The following ECSIT variants were observed in gnomAD, a reference collection of about 807,000 sequenced individuals.
ECSIT encodes evolutionarily conserved signaling intermediate in Toll pathway, mitochondrial.
A neutral mutation model predicts 36.8 loss-of-function variants in ECSIT; 29 were observed. The ratio of observed to expected loss-of-function variants is 0.79; its 90% CI spans 0.59 to 1.08. The LOEUF (loss-of-function observed/expected upper bound fraction) is 1.08, where lower values mean the gene tolerates loss of function less well. Among genes scored for constraint, ECSIT ranks in the 50% least tolerant of loss-of-function variants. The pLI, the probability that ECSIT is intolerant of heterozygous loss-of-function variation, is 0.00. For missense variants in ECSIT, 542 were observed against 581.0 expected (o/e 0.93, Z 0.69); for synonymous variants, 231 against 234.8 (o/e 0.98, Z 0.15).
chr19:11,509,597 G>A (rs1401987329), intron 4 of ECSIT, among the ~76,000 whole-genome samples: 3 of 150,930 alleles, frequency 2.0e-5, no homozygotes, highest in African/African-American at 4.9e-5. Flanking sequence ...GTGAAACCCC[G>A]TCTCTACTAG....
intron 4 of ECSIT, among the ~76,000 whole-genome samples, chr19:11,509,575 C>G (rs1971828494): frequency 6.6e-6 from 1 of 151,258 alleles, no homozygotes; most frequent in Admixed American, 6.6e-5. Flanking sequence ...CAAGACCAGC[C>G]TGGCCAACAT....
intron 1 of ECSIT, among the ~76,000 whole-genome samples, chr19:11,524,971 TACTAAAAATACAAAA>T (rs1304383749): frequency 6.6e-6 from 1 of 151,954 alleles, no homozygotes; most frequent in East Asian, 1.9e-4. Flanking sequence ...ACCCCGTCTC[TACTAAAAATACAAAA>T]ATTAGCGGGA....
At chr19:11,509,524 T>C (rs1971827325) in intron 4 of ECSIT, among the ~76,000 whole-genome samples, 1 of 151,340 alleles carries the variant, frequency 6.6e-6, no homozygotes, top group South Asian at 2.1e-4. Context: ...TCCCAGCACT[T>C]TGGGAGGCCG....
intron 1 of ECSIT, chr19:11,523,520 G>A (rs182153583): frequency 2.5e-5 from 28 of 1,099,598 alleles, no homozygotes; most frequent in Non-Finnish European, 3.5e-5. Context: ...CCTCATCCAC[G>A]ATGGCCTAGC....
At chr19:11,514,900 G>A (rs894271218) in intron 2 of ECSIT, among the ~76,000 whole-genome samples, 10 of 150,402 alleles carry the variant, frequency 6.6e-5, no homozygotes, top group East Asian at 2.0e-4. Context: ...GCGCAGTGGC[G>A]TGACCTCAGC....
At chr19:11,528,251 C>T (rs1223377400) in intron 1 of ECSIT, among the ~76,000 whole-genome samples, 1 of 152,134 alleles carries the variant, frequency 6.6e-6, no homozygotes, top group Non-Finnish European at 1.5e-5. Flanking sequence ...CCCTCATCAC[C>T]CTATTAATTT....
rs759999123 is a variant in ECSIT, at chr19:11,514,087, C to T, written c.231G>A (p.Gly77=). ...TGTCCCGTTCCCCACCAGGCGCCTG[C>T]CCAAACAGGTCCTCAAAGGGCACCA... ...KALVPFEDLF[G]QAPGGERDKA... is the part of the protein sequence containing the mutation. The change falls in exon 3 of 8, where the codon GGG becomes GGA. Residue 77 remains glycine, a synonymous_variant. Coordinates refer to ENST00000270517, the MANE Select transcript of ECSIT (RefSeq NM_016581.5). 1.4e-5 allele frequency: 22 copies of T among 1,614,030 alleles called. 1 individual carries two copies. In the South Asian group the frequency reaches 2.3e-4, roughly 17 times the overall value.
intron 1 of ECSIT, among the ~76,000 whole-genome samples, chr19:11,521,211 T>A (rs1362015444): frequency 6.6e-6 from 1 of 152,214 alleles, no homozygotes; most frequent in Non-Finnish European, 1.5e-5. Context: ...TGTTTTTGAC[T>A]GTTATAACTA....
chr19:11,516,720 G>A (rs534561171), intron 2 of ECSIT, among the ~76,000 whole-genome samples: 2 of 150,798 alleles, frequency 1.3e-5, no homozygotes, highest in South Asian at 4.2e-4. Flanking sequence ...ACGCTAACAA[G>A]TAAGAGCCAA....
intron 1 of ECSIT, among the ~76,000 whole-genome samples, chr19:11,528,379 G>A (rs548160764): frequency 1.3e-5 from 2 of 152,140 alleles, no homozygotes; most frequent in Non-Finnish European, 1.5e-5. Context: ...AGCTTCCCGA[G>A]TAGCTAGGAC....
intron 2 of ECSIT, among the ~76,000 whole-genome samples, chr19:11,516,707 A>AC (rs1972006753): frequency 6.7e-6 from 1 of 150,214 alleles, no homozygotes; most frequent in Non-Finnish European, 1.5e-5. Context: ...ACACACACAC[A>AC]AAACGCTAAC....
At chr19:11,517,839 G>A (rs932923434) in intron 2 of ECSIT, among the ~76,000 whole-genome samples, 53 of 151,988 alleles carry the variant, frequency 3.5e-4, no homozygotes, top group Middle Eastern at 3.4e-3. Context: ...ATCTGCTTTC[G>A]CCATCTGGTC....
Position 11,519,422 on chromosome 19 carries a change from T to A in ECSIT, c.-23-229A>T, listed in dbSNP as rs1003584938. The stretch of plus-strand genomic sequence containing the variant: ...ATAGCTCAATGCAGCCTCCAACTTC[T>A]GGGCCCAAGTGATCCTCCAGCCCCA... On this transcript the variant is annotated intron_variant, in intron 1 of 7. Transcript: ENST00000270517. The surrounding 1 kb of genome is among the most constrained non-coding windows in gnomAD (Gnocchi z 4.4). Among the ~76,000 whole-genome samples the A allele has an allele frequency of 4.6e-5, 7 of 152,106 alleles. No individual in the cohort carries two copies. Among genetic ancestry groups the A allele is most frequent in the African/African-American group, 1.7e-4 (7 of 41,426 alleles).
chr19:11,505,935 C>T lies in ECSIT; in HGVS notation c.*249G>A, dbSNP rs189585775. 3 of 891,798 alleles carry T rather than the reference C, an allele frequency of 3.4e-6. No homozygotes were observed. Among genetic ancestry groups the T allele is most frequent in the African/African-American group, 1.7e-5 (1 of 57,714 alleles). 55.2% of individuals were successfully genotyped at this position (891,798 alleles called of 1,614,324 possible). A position where few individuals can be genotyped will look rare whatever the true frequency, so the allele number is the denominator to read the frequency against. On this transcript the variant is annotated 3_prime_UTR_variant, in exon 8 of 8. Transcript: ENST00000270517. ...CAAGAATGGAAACTGCGCATGCGCA[C>T]AACCAACAGCGCTCCCGCCCCTTTT... is the stretch of plus-strand genomic sequence containing the variant.
intron 2 of ECSIT, among the ~76,000 whole-genome samples, chr19:11,518,291 G>A (rs1182549092): frequency 6.6e-6 from 1 of 152,168 alleles, no homozygotes; most frequent in Non-Finnish European, 1.5e-5. Context: ...GCTGGGCGTG[G>A]TGATGTGCAC....
intron 3 of ECSIT, 73 bp from the exon 4 acceptor site, chr19:11,513,352 C>T (rs963901698): frequency 8.1e-7 from 1 of 1,240,636 alleles, no homozygotes; most frequent in Non-Finnish European, 1.2e-6. Flanking sequence ...GAAAAGAAAA[C>T]AGTGAAGTGA....
At chr19:11,508,421 TG>T (rs1971804017) in intron 4 of ECSIT, among the ~76,000 whole-genome samples, 1 of 140,018 alleles carries the variant, frequency 7.1e-6, no homozygotes, top group Admixed American at 7.0e-5. Context: ...TCTCCCTCTC[TG>T]TCATCCATGC....
intron 7 of ECSIT, among the ~76,000 whole-genome samples, chr19:11,506,639 A>G (rs1292752511): frequency 2.8e-5 from 4 of 144,158 alleles, no homozygotes; most frequent in East Asian, 4.1e-4. Flanking sequence ...GGTTCAAGTG[A>G]TTCTCCTGCC....
In ECSIT at chr19:11,515,401, G is replaced by A. The variant is rs184241435; in HGVS notation, c.97-1180C>T. 4.6e-5 allele frequency among the ~76,000 whole-genome samples: 7 copies of A among 151,160 alleles called. No individual in the cohort carries two copies. The East Asian group carries it at 8.0e-4, about 17-fold the overall frequency. On this transcript the variant is annotated intron_variant, in intron 2 of 7. Transcript: ENST00000270517. ...ACAGGCATGAGCCACCGCGCCCGGCGTAGCCACCTTAAGTCTTGAGATTAC... is the reference window on the plus strand; with the variant it reads ...ACAGGCATGAGCCACCGCGCCCGGCATAGCCACCTTAAGTCTTGAGATTAC...
Sources: gnomAD v4.1 joint callset for allele counts (sites outside exome capture counted in the v4.1 genomes callset) on GRCh38, gnomAD v4.1.1 for gene constraint, Gnocchi (gnomAD v3.1) non-coding constraint, MANE v1.5 for transcripts, NCBI Gene and HGNC (gene_info 2026-07-23, HGNC 2026-07-21) for gene names.